The following CDH23 variants were observed in gnomAD, a reference collection of about 807,000 sequenced individuals.
CDH23 encodes the protein cadherin related 23, also known as cadherin-23.
Under a neutral mutation model 317.1 loss-of-function variants are expected in CDH23, and 189 were observed. That is an observed-to-expected ratio of 0.60 (90% CI 0.53 to 0.67). The LOEUF is 0.67. Among genes scored for constraint, CDH23 ranks in the 30% least tolerant of loss-of-function variants. The pLI, the probability that CDH23 is intolerant of heterozygous loss-of-function variation, is 0.00. For missense variants in CDH23, 4,401 were observed against 4,592.4 expected (o/e 0.96, Z 1.20); for synonymous variants, 1,839 against 1,876.8 (o/e 0.98, Z 0.52).
chr10:71,671,637 G>A (rs979719644), intron 14 of CDH23, among the ~76,000 whole-genome samples: 32 of 80,274 alleles, frequency 4.0e-4, no homozygotes, highest in Non-Finnish European at 8.4e-4. Context: ...AGACTCAGTC[G>A]CTGCCCCTGC....
intron 38 of CDH23, among the ~76,000 whole-genome samples, chr10:71,774,213 C>A (rs1055761023): frequency 1.3e-5 from 2 of 148,298 alleles, no homozygotes; most frequent in Non-Finnish European, 3.0e-5. Flanking sequence ...CGGCAGAGGC[C>A]TCAGCTGTCC....
At chr10:71,728,374 A>C (rs1866909152) in intron 30 of CDH23, among the ~76,000 whole-genome samples, 1 of 152,042 alleles carries the variant, frequency 6.6e-6, no homozygotes, top group Non-Finnish European at 1.5e-5. Flanking sequence ...AGAAGCAGCG[A>C]TGCAGAGAAA....
intron 14 of CDH23, chr10:71,647,952 C>G (rs902957113): frequency 6.6e-6 from 1 of 152,202 alleles, no homozygotes; most frequent in Admixed American, 6.5e-5. Context: ...AGAGTCCTTG[C>G]TTCCATTTCT....
At chr10:71,575,142 G>A (rs1286318381) in intron 8 of CDH23, among the ~76,000 whole-genome samples, 1 of 152,170 alleles carries the variant, frequency 6.6e-6, no homozygotes, top group Admixed American at 6.5e-5. Context: ...TCCTCACAAT[G>A]CACAGAAAGC....
intron 9 of CDH23, among the ~76,000 whole-genome samples, chr10:71,580,738 A>G (rs1170630132): frequency 6.6e-6 from 1 of 152,140 alleles, no homozygotes; most frequent in Non-Finnish European, 1.5e-5. Context: ...TCAGCACCTC[A>G]CTTCACCCAA....
intron 38 of CDH23, among the ~76,000 whole-genome samples, chr10:71,756,181 C>A (rs1032326807): frequency 1.3e-5 from 2 of 152,096 alleles, no homozygotes; most frequent in Admixed American, 1.3e-4. Context: ...AAAAAATATT[C>A]GAATCTCCTC....
intron 1 of CDH23, among the ~76,000 whole-genome samples, chr10:71,427,197 G>A (rs1375066257): frequency 2.1e-4 from 13 of 60,916 alleles, no homozygotes; most frequent in African/African-American, 7.3e-4. Context: ...GAAGGAAAGA[G>A]AAAGAAAGAA....
intron 6 of CDH23, among the ~76,000 whole-genome samples, chr10:71,520,453 G>T (rs1042615120): frequency 2.0e-5 from 3 of 152,228 alleles, no homozygotes; most frequent in Admixed American, 2.0e-4. Context: ...TCAAGGATCT[G>T]CCCAGGGTCA....
chr10:71,457,021 A>T (rs760686278), intron 3 of CDH23, among the ~76,000 whole-genome samples: 1 of 152,222 alleles, frequency 6.6e-6, no homozygotes, highest in Non-Finnish European at 1.5e-5. Context: ...ACCTCACACC[A>T]GGCAAGTGGG....
chr10:71,736,289 C>A (rs1010131582), intron 34 of CDH23, among the ~76,000 whole-genome samples: 3 of 152,216 alleles, frequency 2.0e-5, no homozygotes, highest in African/African-American at 7.2e-5. Flanking sequence ...CCGGTAGCCC[C>A]AAACACTGTT....
At chr10:71,646,012 G>C in intron 13 of CDH23, 32 bp downstream of exon 13, 2 of 1,596,736 alleles carry the variant, frequency 1.3e-6, no homozygotes, top group Non-Finnish European at 1.7e-6. Flanking sequence ...TTTTGGAGTG[G>C]GGTGGGGGGT....
rs1227040 is a variant in CDH23 at position 71,677,803 on chromosome 10, T to C, written c.1752+110T>C. The C allele has an allele frequency of 0.67, 586,103 of 879,010 alleles. 198,357 individuals are homozygous for C. The highest frequency in any genetic ancestry group is 0.76 in the East Asian group (28,588 of 37,780). 54.5% of individuals were successfully genotyped at this position (879,010 alleles called of 1,614,324 possible). ...TTTTTATGAGACAGGTCTCACTCTT[T>C]CACCCAGGCTGGAGTGCAGTGGTAC... On this transcript the variant is annotated intron_variant, in intron 16 of 69. Coordinates refer to ENST00000224721, the MANE Select transcript of CDH23 (RefSeq NM_022124.6).
intron 1 of CDH23, among the ~76,000 whole-genome samples, chr10:71,418,721 T>G (rs1848630383): frequency 6.6e-6 from 1 of 152,234 alleles, no homozygotes; most frequent in Non-Finnish European, 1.5e-5. Context: ...TTTTTATTTT[T>G]TGGACCCAAT....
At chr10:71,756,702 TAAACGC>T (rs749127283) in intron 38 of CDH23, among the ~76,000 whole-genome samples, 2 of 152,168 alleles carry the variant, frequency 1.3e-5, no homozygotes, top group Admixed American at 6.6e-5. Context: ...ACAACCAACA[TAAACGC>T]ATTTCCTTCC....
chr10:71,720,788 G>C (rs1212426277), intron 28 of CDH23, among the ~76,000 whole-genome samples: 1 of 152,182 alleles, frequency 6.6e-6, no homozygotes, highest in Non-Finnish European at 1.5e-5. Context: ...TGAGAGAAAA[G>C]AGCCCCCGTC....
chr10:71,606,476 T>C (rs2132489816), intron 9 of CDH23, among the ~76,000 whole-genome samples: 1 of 152,302 alleles, frequency 6.6e-6, no homozygotes. Flanking sequence ...CACCCCAGTA[T>C]CACTCTGCTC....
chr10:71,728,876 T>C (rs1249606043), intron 30 of CDH23, among the ~76,000 whole-genome samples: 2 of 152,140 alleles, frequency 1.3e-5, no homozygotes, highest in African/African-American at 4.8e-5. Context: ...GCTAATTTTT[T>C]TTAGAGACAG....
At chr10:71,635,439 G>A (rs1564700576) in intron 11 of CDH23, 1 of 152,406 alleles carries the variant, frequency 6.6e-6, no homozygotes, top group Admixed American at 6.5e-5. Context: ...AAGGGTTTTT[G>A]AAATACATGG....
chr10:71,690,378 C>A, intron 19 of CDH23, 90 bp from the exon 20 acceptor site: 1 of 907,320 alleles, frequency 1.1e-6, no homozygotes, highest in Non-Finnish European at 1.7e-6. Flanking sequence ...CCTCTTGGGC[C>A]AGCGCAAATG....
Sources: gnomAD v4.1 joint callset for allele counts (sites outside exome capture counted in the v4.1 genomes callset) on GRCh38, gnomAD v4.1.1 for gene constraint, MANE v1.5 for transcripts, NCBI Gene and HGNC (gene_info 2026-07-23, HGNC 2026-07-21) for gene names.